The following CYP26A1 variants were observed in gnomAD, a reference collection of about 807,000 sequenced individuals.
CYP26A1 encodes cytochrome P450 family 26 subfamily A member 1, also known as cytochrome P450 26A1.
In CYP26A1, 46 loss-of-function variants were observed where a neutral mutation model predicts 47.4. The observed-to-expected ratio is 0.97, with a 90% CI of 0.77 to 1.24. The LOEUF (loss-of-function observed/expected upper bound fraction) is 1.24. CYP26A1 is among the 50% of genes most tolerant of loss of function. CYP26A1 has a pLI of 0.00. For synonymous variants in CYP26A1, 277 were observed against 263.7 expected (o/e 1.05, Z -0.49); for missense variants, 680 against 644.4 (o/e 1.06, Z -0.60).
chr10:93,076,374 A>G lies in CYP26A1; in HGVS notation c.1000-170A>G, dbSNP rs1428722556. 1.0e-5 allele frequency: 6 copies of G among 587,164 alleles called. No individual in the cohort carries two copies. In the South Asian group the frequency reaches 1.1e-4, roughly 11 times the overall value. 36.4% of individuals were successfully genotyped at this position (587,164 alleles called of 1,614,324 possible). ...AGCATTCTCCTGGGATTGTAAATAG[A>G]TAGTGGATTTGGGCAGGCAAATGGC... On this transcript the variant is annotated intron_variant, in intron 5 of 6. Transcript: ENST00000224356.
In CYP26A1 at chr10:93,074,520, G is replaced by A. The variant is rs145329305; in HGVS notation, c.402G>A (p.Lys134=). 6.0e-5 allele frequency: 96 copies of A among 1,601,410 alleles called. No individual in the cohort carries two copies. The African/African-American group carries it at 1.1e-3, about 18-fold the overall frequency. ...CLSNLHDSSH[K]QRKKVIMRAF... ...CTAACCTGCACGACTCCTCGCACAA[G>A]CAGCGCAAGAAGGTGGGGGCAGGAG... Residue 134 remains lysine (K), a synonymous_variant, in exon 2 of 7, where the codon AAG becomes AAA. Coordinates refer to ENST00000224356, the MANE Select transcript of CYP26A1 (RefSeq NM_000783.4). This position sits in a 1 kb window ranked among gnomAD's most constrained non-coding sequence, Gnocchi z 5.3.
Position 93,074,570 on chromosome 10 carries a change from C to A in CYP26A1, c.414+38C>A. 7.4e-7 allele frequency: 1 copy of A among 1,343,528 alleles called. No homozygotes were observed. The highest frequency in any genetic ancestry group is 1.2e-5 in the South Asian group (1 of 85,688). 83.2% of individuals were successfully genotyped at this position (1,343,528 alleles called of 1,614,324 possible). A position where few individuals can be genotyped will look rare whatever the true frequency, so the allele number is the denominator to read the frequency against. On this transcript the variant is annotated intron_variant, in intron 2 of 6. Coordinates refer to ENST00000224356, the MANE Select transcript of CYP26A1 (RefSeq NM_000783.4). This position sits in a 1 kb window ranked among gnomAD's most constrained non-coding sequence, Gnocchi z 5.3. ...GGCGACGGCTGGACAGGGAGGGGGA[C>A]CCCATTTATGAGCGGAATTCCGGCT...
Position 93,074,095 on chromosome 10 carries a change from T to C in CYP26A1, c.161T>C (p.Phe54Ser). The C allele has an allele frequency of 1.5e-6, 2 of 1,313,842 alleles. No homozygotes were observed. The highest frequency in any genetic ancestry group is 1.2e-5 in the South Asian group (1 of 82,824). 81.4% of individuals were successfully genotyped at this position (1,313,842 alleles called of 1,614,324 possible). ...CCCGGGACTATGGGCTTCCCCTTCT[T>C]TGGGGAAACCTTGCAGATGGTACTG... ...LPPGTMGFPF[F>S]GETLQMVLQR... Residue 54 changes from phenylalanine to serine, a missense_variant, in exon 1 of 7, where the codon TTT becomes TCT. Transcript: ENST00000224356. The surrounding 1 kb of genome is among the most constrained non-coding windows in gnomAD (Gnocchi z 5.3).
chr10:93,075,422 C>A, intron 4 of CYP26A1, 115 bp downstream of exon 4: 2 of 924,362 alleles, frequency 2.2e-6, no homozygotes, highest in South Asian at 1.6e-5. Context: ...AGTGGGCGGC[C>A]GGCTCAGACT....
chr10:93,073,538 C>T, upstream of CYP26A1: 1 of 213,846 alleles, frequency 4.7e-6, no homozygotes, highest in Non-Finnish European at 9.2e-6. Context: ...TGGGACCGGG[C>T]GGGAGGGATT....
In CYP26A1 at chr10:93,074,395, G is replaced by T; in HGVS notation, c.277G>T (p.Gly93Cys). The stretch of plus-strand genomic sequence containing the variant: ...CGGGCGGCCCACCGTACGGGTGATG[G>T]GCGCGGACAATGTGCGGCGCATCTT... Reference protein sequence around the residue: ...LFGRPTVRVMGADNVRRILLG... With the variant: ...LFGRPTVRVMCADNVRRILLG... The change falls in exon 2 of 7, where the codon GGC becomes TGC. Residue 93 changes from glycine to cysteine, a missense_variant. Transcript: ENST00000224356. The surrounding 1 kb of genome is among the most constrained non-coding windows in gnomAD (Gnocchi z 5.3). 6.2e-7 allele frequency: 1 copy of T among 1,611,876 alleles called. No homozygotes were observed. Among genetic ancestry groups the T allele is most frequent in the Non-Finnish European group, 8.5e-7 (1 of 1,178,632 alleles).
At position 93,074,245 on chromosome 10, in the gene CYP26A1, G is replaced by C. The variant is rs1473204631; in HGVS notation, c.190-63G>C. ...TATTGCGGCTAGGAGCAGGGCTGGC[G>C]GGAGCGCGGCGCTCCCCGGCGCCCC... On this transcript the variant is annotated intron_variant, in intron 1 of 6. Coordinates refer to ENST00000224356, the MANE Select transcript of CYP26A1 (RefSeq NM_000783.4). The surrounding 1 kb of genome is among the most constrained non-coding windows in gnomAD (Gnocchi z 5.3). 6.6e-7 allele frequency: 1 copy of C among 1,525,284 alleles called. No homozygotes were observed. The highest frequency in any genetic ancestry group is 1.8e-5 in the Admixed American group (1 of 55,924). 94.5% of individuals were successfully genotyped at this position (1,525,284 alleles called of 1,614,324 possible). A position where few individuals can be genotyped will look rare whatever the true frequency, so the allele number is the denominator to read the frequency against.
chr10:93,074,262 C>A lies in CYP26A1; in HGVS notation c.190-46C>A. The A allele has an allele frequency of 1.3e-6, 2 of 1,511,356 alleles. No individual in the cohort carries two copies. Among genetic ancestry groups the A allele is most frequent in the Non-Finnish European group, 9.1e-7 (1 of 1,094,910 alleles). 93.6% of individuals were successfully genotyped at this position (1,511,356 alleles called of 1,614,324 possible). A position where few individuals can be genotyped will look rare whatever the true frequency, so the allele number is the denominator to read the frequency against. On this transcript the variant is annotated intron_variant, in intron 1 of 6. Transcript: ENST00000224356. This position sits in a 1 kb window ranked among gnomAD's most constrained non-coding sequence, Gnocchi z 5.3. ...GGGCTGGCGGGAGCGCGGCGCTCCC[C>A]GGCGCCCCCTCATGCCCACTTCTCT...
chr10:93,075,617 G>A (rs1015131040), intron 4 of CYP26A1: 8 of 585,630 alleles, frequency 1.4e-5, no homozygotes, highest in African/African-American at 9.3e-5. Flanking sequence ...AGGAGTTTCC[G>A]GTAGAGCGGG....
At position 93,077,365 on chromosome 10, in the gene CYP26A1, G is replaced by T. The variant is rs1220550623; in HGVS notation, c.*61G>T. 7 of 863,902 alleles carry T rather than the reference G, an allele frequency of 8.1e-6. No homozygotes were observed. The highest frequency in any genetic ancestry group is 1.2e-5 in the Non-Finnish European group (7 of 596,308). 53.5% of individuals were successfully genotyped at this position (863,902 alleles called of 1,614,324 possible). ...GTGTACATATGAGTTTTTAAGGAGT[G>T]TTGTGTTGACTTTATATTTAATTTC... On this transcript the variant is annotated 3_prime_UTR_variant, in exon 7 of 7. Coordinates refer to ENST00000224356, the MANE Select transcript of CYP26A1 (RefSeq NM_000783.4).
At position 93,074,091 on chromosome 10, in the gene CYP26A1, T is replaced by G. The variant is rs1846933864; in HGVS notation, c.157T>G (p.Phe53Val). Residue 53 changes from phenylalanine (F) to valine (V), a missense_variant, in exon 1 of 7, where the codon TTC becomes GTC. Coordinates refer to ENST00000224356, the MANE Select transcript of CYP26A1 (RefSeq NM_000783.4). The surrounding 1 kb of genome is among the most constrained non-coding windows in gnomAD (Gnocchi z 5.3). ...GCCCCCCGGGACTATGGGCTTCCCC[T>G]TCTTTGGGGAAACCTTGCAGATGGT... ...PLPPGTMGFP[F>V]FGETLQMVLQ... 1.3e-6 allele frequency: 2 copies of G among 1,563,718 alleles called. No individual in the cohort carries two copies. The highest frequency in any genetic ancestry group is 1.7e-6 in the Non-Finnish European group (2 of 1,147,646).
Position 93,075,276 on chromosome 10 carries a change from C to T in CYP26A1, c.833C>T (p.Ser278Leu), listed in dbSNP as rs2134423424. The T allele has an allele frequency of 3.1e-6, 5 of 1,614,062 alleles. No homozygotes were observed. Among genetic ancestry groups the T allele is most frequent in the Non-Finnish European group, 4.2e-6 (5 of 1,179,972 alleles). Residue 278 changes from serine to leucine, a missense_variant, in exon 4 of 7, where the codon TCG becomes TTG. Transcript: ENST00000224356. Reference sequence around the variant, plus strand: ...GCGCTGCAGCTGTTGATCGAGCACTCGTGGGAGAGGGGAGAGCGGCTGGAC... The same window carrying T: ...GCGCTGCAGCTGTTGATCGAGCACTTGTGGGAGAGGGGAGAGCGGCTGGAC... ...KDALQLLIEH[S>L]WERGERLDMQ...
Position 93,077,496 on chromosome 10 carries a change from A to AC in CYP26A1, c.*193dup, listed in dbSNP as rs1361621493. ...TCCAAATAAAGTAAAATTTGAAGGT[A>AC]CTTTTCTGGTATTTTAAGATTCCTG... On this transcript the variant is annotated 3_prime_UTR_variant, in exon 7 of 7. Transcript: ENST00000224356. 2 of 360,928 alleles carry AC rather than the reference A, an allele frequency of 5.5e-6. No individual in the cohort carries two copies. The highest frequency in any genetic ancestry group is 9.7e-6 in the Non-Finnish European group (2 of 205,966). The allele number at this position is 360,928 out of a possible 1,614,324, so 22.4% of individuals were successfully genotyped here.
Position 93,075,910 on chromosome 10 carries a change from G to A in CYP26A1, c.949G>A (p.Gly317Arg), listed in dbSNP as rs1564957748. 3 of 1,611,664 alleles carry A rather than the reference G, an allele frequency of 1.9e-6. No homozygotes were observed. The highest frequency in any genetic ancestry group is 1.3e-5 in the African/African-American group (1 of 74,866). The stretch of plus-strand genomic sequence containing the variant: ...AGCCACATCTCTGATCACTTACCTG[G>A]GGCTCTACCCACATGTTCTCCAGAA... ...SAATSLITYL[G>R]LYPHVLQKVR... Residue 317 changes from glycine (G) to arginine (R), a missense_variant, in exon 5 of 7, where the codon GGG becomes AGG. Gly to Arg is a moderately radical substitution (Grantham distance 125, BLOSUM62 -2). Coordinates refer to ENST00000224356, the MANE Select transcript of CYP26A1 (RefSeq NM_000783.4).
chr10:93,074,344 G>C lies in CYP26A1; in HGVS notation c.226G>C (p.Gly76Arg), dbSNP rs1272118884. 8 of 1,610,218 alleles carry C rather than the reference G, an allele frequency of 5.0e-6. No individual in the cohort carries two copies. The highest frequency in any genetic ancestry group is 1.1e-5 in the South Asian group (1 of 91,042). Residue 76 changes from glycine (G) to arginine (R), a missense_variant, in exon 2 of 7, where the codon GGC (glycine) becomes CGC (arginine). By Grantham distance (125) the Gly-to-Arg change is moderately radical. Coordinates refer to ENST00000224356, the MANE Select transcript of CYP26A1 (RefSeq NM_000783.4). This position sits in a 1 kb window ranked among gnomAD's most constrained non-coding sequence, Gnocchi z 5.3. Reference protein sequence around the residue: ...KFLQMKRRKYGFIYKTHLFGR... With the variant: ...KFLQMKRRKYRFIYKTHLFGR... Reference sequence around the variant, plus strand: ...CCTGCAGATGAAGCGCAGGAAATACGGCTTCATCTACAAGACGCATCTGTT... The same window carrying C: ...CCTGCAGATGAAGCGCAGGAAATACCGCTTCATCTACAAGACGCATCTGTT...
chr10:93,077,292 T>TG lies in CYP26A1; in HGVS notation c.1486dup (p.Glu496GlyfsTer11). The TG allele has an allele frequency of 1.3e-6, 2 of 1,528,102 alleles. No individual in the cohort carries two copies. Among genetic ancestry groups the TG allele is most frequent in the Non-Finnish European group, 1.8e-6 (2 of 1,136,780 alleles). The allele number at this position is 1,528,102 out of a possible 1,614,324, so 94.7% of individuals were successfully genotyped here. ...TCCCTGCAAGATTCACCCATTTCCATGGGGAAATCTGATGAGCTTGAATGT... is the reference window on the plus strand; with the variant it reads ...TCCCTGCAAGATTCACCCATTTCCATGGGGGAAATCTGATGAGCTTGAATGT... On this transcript the variant is annotated frameshift_variant, in exon 7 of 7. Transcript: ENST00000224356. LOFTEE classifies it high-confidence loss of function.
chr10:93,074,756 G>T lies in CYP26A1; in HGVS notation c.415-23G>T. On this transcript the variant is annotated intron_variant, in intron 2 of 6. Coordinates refer to ENST00000224356, the MANE Select transcript of CYP26A1 (RefSeq NM_000783.4). This position sits in a 1 kb window ranked among gnomAD's most constrained non-coding sequence, Gnocchi z 5.3. ...AGAGGGGCGGATGGAGGCTTTTAAC[G>T]CTGTCCCCTCCTCGGGACTCAGGTG... 3 of 1,580,620 alleles carry T rather than the reference G, an allele frequency of 1.9e-6. No homozygotes were observed. Among genetic ancestry groups the T allele is most frequent in the Non-Finnish European group, 2.6e-6 (3 of 1,166,342 alleles).
rs1331602093 is a variant in CYP26A1 at position 93,073,946 on chromosome 10, G to A, written c.12G>A (p.Pro4=). MGL[P]ALLASALCTF... ...GGTCGCGGCGCGCCATGGGGCTCCC[G>A]GCGCTGCTGGCCAGTGCGCTCTGCA... Residue 4 remains proline, a synonymous_variant, in exon 1 of 7, where the codon CCG becomes CCA. Transcript: ENST00000224356. 4.6e-6 allele frequency: 5 copies of A among 1,075,868 alleles called. No homozygotes were observed. Among genetic ancestry groups the A allele is most frequent in the South Asian group, 3.8e-5 (3 of 79,890 alleles). 66.6% of individuals were successfully genotyped at this position (1,075,868 alleles called of 1,614,324 possible). A position where few individuals can be genotyped will look rare whatever the true frequency, so the allele number is the denominator to read the frequency against.
Position 93,077,164 on chromosome 10 carries a change from C to T in CYP26A1, c.1354C>T (p.Leu452Phe). The change falls in exon 7 of 7, where the codon CTC becomes TTC. Residue 452 changes from leucine to phenylalanine, a missense_variant. Physicochemically the swap from Leu to Phe is conservative, Grantham distance 22 (BLOSUM62 0). Transcript: ENST00000224356. ...CVGKEFAKIL[L>F]KIFTVELARH... is the part of the protein sequence containing the mutation. ...AGGCAAAGAATTTGCAAAAATTCTT[C>T]TCAAAATATTTACAGTGGAGCTGGC... 6.2e-7 allele frequency: 1 copy of T among 1,613,878 alleles called. No individual in the cohort carries two copies. The highest frequency in any genetic ancestry group is 1.1e-5 in the South Asian group (1 of 91,048).
Sources: allele counts gnomAD v4.1 joint callset, GRCh38; gene constraint gnomAD v4.1.1; non-coding constraint Gnocchi (gnomAD v3.1); transcripts MANE v1.5; gene names NCBI Gene and HGNC (gene_info 2026-07-23, HGNC 2026-07-21).